The following PXYLP1 variants were observed in gnomAD, a reference collection of about 807,000 sequenced individuals.
PXYLP1 encodes acid phosphatase-like 2.
PXYLP1 carries 17 observed loss-of-function variants against 37.9 expected under a neutral mutation model. The observed-to-expected ratio is 0.45, with a 90% CI of 0.31 to 0.67. The LOEUF (loss-of-function observed/expected upper bound fraction) is 0.67. Ranked by LOEUF, PXYLP1 falls within the 30% of genes least tolerant of loss-of-function variation. PXYLP1 has a pLI of 0.07. For synonymous variants in PXYLP1, 221 were observed against 232.2 expected (o/e 0.95, Z 0.44); for missense variants, 511 against 612.0 (o/e 0.84, Z 1.74).
At chr3:141,273,374 A>G in intron 2 of PXYLP1, 1 of 985,306 alleles carries the variant, frequency 1.0e-6, no homozygotes, top group Non-Finnish European at 1.2e-6. Context: ...GCTGATGGTT[A>G]CTCTTCCTAG....
intron 2 of PXYLP1, among the ~76,000 whole-genome samples, chr3:141,270,063 C>T (rs896079258): frequency 2.6e-5 from 4 of 152,252 alleles, no homozygotes; most frequent in Non-Finnish European, 5.9e-5. Flanking sequence ...GGGAGCAGAG[C>T]TCCAGGCTGA....
At chr3:141,266,557 A>C (rs1188996932) in intron 2 of PXYLP1, among the ~76,000 whole-genome samples, 1 of 150,360 alleles carries the variant, frequency 6.7e-6, no homozygotes, top group Non-Finnish European at 1.5e-5. Context: ...TCTAGAAGCC[A>C]AGGGGGCAAC....
Position 141,289,877 on chromosome 3 carries a change from A to G in PXYLP1, c.506-2391A>G, listed in dbSNP as rs188725376. Among the ~76,000 whole-genome samples, 586 of 152,292 alleles carry G rather than the reference A, an allele frequency of 3.8e-3. 7 individuals carry two copies. The highest frequency in any genetic ancestry group is 0.013 in the African/African-American group (560 of 41,554). ...TGGATCCAGGAGCTGCTACCTGAGA[A>G]GAGGCTGGGGGGTTGGCCCTCACAC... On this transcript the variant is annotated intron_variant, in intron 5 of 5. Transcript: ENST00000286353.
intron 5 of PXYLP1, among the ~76,000 whole-genome samples, chr3:141,289,374 C>T (rs1382276820): frequency 6.6e-6 from 1 of 152,068 alleles, no homozygotes; most frequent in Non-Finnish European, 1.5e-5. Context: ...GGGACAGAGA[C>T]ACGTGTCCCT....
Position 141,293,479 on chromosome 3 carries a change from A to C in PXYLP1, c.*274A>C. 1 of 410,978 alleles carries C rather than the reference A, an allele frequency of 2.4e-6. No individual in the cohort carries two copies. The highest frequency in any genetic ancestry group is 4.3e-6 in the Non-Finnish European group (1 of 230,332). The allele number at this position is 410,978 out of a possible 1,614,324, so 25.5% of individuals were successfully genotyped here. A position where few individuals can be genotyped will look rare whatever the true frequency, so the allele number is the denominator to read the frequency against. On this transcript the variant is annotated 3_prime_UTR_variant, in exon 6 of 6. Coordinates refer to ENST00000286353, the MANE Select transcript of PXYLP1 (RefSeq NM_001037172.3). ...TTAGAATGCCAGAATAATATAGTTC[A>C]AGACCTGAAGTTGCCAATCCAAGTT...
chr3:141,260,270 C>T lies in PXYLP1; in HGVS notation c.79+16C>T, dbSNP rs929750214. On this transcript the variant is annotated intron_variant, in intron 2 of 5. Transcript: ENST00000286353. ...CTGCAGTTCTGTGAGTAGAGCCGGG[C>T]CCCGCAGGTCGTGGGAGGGTAGGGG... 17 of 1,611,004 alleles carry T rather than the reference C, an allele frequency of 1.1e-5. No homozygotes were observed. The highest frequency in any genetic ancestry group is 1.4e-5 in the Non-Finnish European group (16 of 1,179,958).
At position 141,292,804 on chromosome 3, in the gene PXYLP1, G is replaced by A. The variant is rs775346386; in HGVS notation, c.1042G>A (p.Gly348Ser). 1.2e-6 allele frequency: 2 copies of A among 1,613,566 alleles called. No individual in the cohort carries two copies. The change falls in exon 6 of 6, where the codon GGT (glycine) becomes AGT (serine). Residue 348 changes from glycine to serine, a missense_variant. Physicochemically the swap from Gly to Ser is moderately conservative, Grantham distance 56. Coordinates refer to ENST00000286353, the MANE Select transcript of PXYLP1 (RefSeq NM_001037172.3). The surrounding 1 kb of genome is among the most constrained non-coding windows in gnomAD (Gnocchi z 4.3). ...KKLYFGYSLL[G>S]AHPILNQTIG... The stretch of plus-strand genomic sequence containing the variant: ...ATTGTACTTCGGGTATTCTCTCCTG[G>A]GTGCCCACCCCATCCTGAACCAAAC...
In PXYLP1 at chr3:141,293,536, G is replaced by A. The variant is rs1214739903; in HGVS notation, c.*331G>A. On this transcript the variant is annotated 3_prime_UTR_variant, in exon 6 of 6. Coordinates refer to ENST00000286353, the MANE Select transcript of PXYLP1 (RefSeq NM_001037172.3). ...CTTCTGGCCTGCCCCATGTTACTAT[G>A]TGATGGAACCAGCACACCTCAACCA... is the stretch of plus-strand genomic sequence containing the variant. 2 of 246,298 alleles carry A rather than the reference G, an allele frequency of 8.1e-6. No individual in the cohort carries two copies. The highest frequency in any genetic ancestry group is 8.5e-5 in the East Asian group (1 of 11,796). 15.3% of individuals were successfully genotyped at this position (246,298 alleles called of 1,614,324 possible).
At chr3:141,277,361 C>T (rs773471672) in intron 2 of PXYLP1, among the ~76,000 whole-genome samples, 1 of 152,126 alleles carries the variant, frequency 6.6e-6, no homozygotes, top group Non-Finnish European at 1.5e-5. Context: ...AGGGCGGATG[C>T]TGAAAGTATG....
chr3:141,232,791 C>G (rs1237015282), intron 1 of PXYLP1, among the ~76,000 whole-genome samples: 1 of 152,200 alleles, frequency 6.6e-6, no homozygotes, highest in Non-Finnish European at 1.5e-5. Context: ...GGACGTGGAG[C>G]CATATTTTCC....
chr3:141,264,506 T>C (rs1941463275), intron 2 of PXYLP1, among the ~76,000 whole-genome samples: 2 of 152,240 alleles, frequency 1.3e-5, no homozygotes, highest in African/African-American at 2.4e-5. Context: ...TGTGACACTT[T>C]GTTCTTTAGC....
At chr3:141,267,586 A>G (rs1941548843) in intron 2 of PXYLP1, 1 of 150,668 alleles carries the variant, frequency 6.6e-6, no homozygotes, top group South Asian at 2.1e-4. Context: ...CTTTATGTCC[A>G]GTTGCCACAT....
chr3:141,262,326 T>A, intron 2 of PXYLP1: 1 of 1,011,360 alleles, frequency 9.9e-7, no homozygotes, highest in Non-Finnish European at 1.2e-6. Context: ...ATCTGAATCC[T>A]TTCCAAAAAG....
At chr3:141,252,334 C>T (rs899349) in intron 1 of PXYLP1, among the ~76,000 whole-genome samples, 127,943 of 152,172 alleles carry the variant, frequency 0.84, 54,357 homozygotes, top group African/African-American at 0.96. Context: ...CTGGGTAACT[C>T]ATAAAGAAAA....
intron 1 of PXYLP1, among the ~76,000 whole-genome samples, chr3:141,251,844 A>G (rs998488362): frequency 1.3e-5 from 2 of 152,176 alleles, no homozygotes; most frequent in African/African-American, 4.8e-5. Flanking sequence ...AGTTGGGGAG[A>G]GGGAACAAAG....
At chr3:141,281,460 T>A (rs528729585) in intron 4 of PXYLP1, among the ~76,000 whole-genome samples, 86 of 152,234 alleles carry the variant, frequency 5.6e-4, no homozygotes, top group African/African-American at 2.0e-3. Context: ...CTCAGCACAT[T>A]TACAGAGACA....
intron 1 of PXYLP1, among the ~76,000 whole-genome samples, chr3:141,257,904 C>CAAA (rs59070598): frequency 0.013 from 1,003 of 78,934 alleles, 41 homozygotes; most frequent in East Asian, 0.09. Context: ...AACTCTGTCT[C>CAAA]AAAAAAAAAA....
intron 2 of PXYLP1, chr3:141,273,990 C>G: frequency 1.0e-6 from 1 of 985,890 alleles, no homozygotes; most frequent in Non-Finnish European, 1.2e-6. Context: ...GCCCACTATT[C>G]TTTCTGATGC....
chr3:141,265,581 A>G (rs1941488720), intron 2 of PXYLP1, among the ~76,000 whole-genome samples: 1 of 152,124 alleles, frequency 6.6e-6, no homozygotes, highest in African/African-American at 2.4e-5. Flanking sequence ...CCTGAAAGGA[A>G]GAAGCAAAGC....
Sources: allele counts gnomAD v4.1 joint callset (sites outside exome capture counted in the v4.1 genomes callset), GRCh38; gene constraint gnomAD v4.1.1; non-coding constraint Gnocchi (gnomAD v3.1); transcripts MANE v1.5; gene names NCBI Gene and HGNC (gene_info 2026-07-23, HGNC 2026-07-21).